The following PTPRD variants were observed in gnomAD, a reference collection of about 807,000 sequenced individuals.
PTPRD encodes receptor-type tyrosine-protein phosphatase delta.
In PTPRD, 34 loss-of-function variants were observed where a neutral mutation model predicts 214.5. The ratio of observed to expected loss-of-function variants is 0.16; its 90% confidence interval spans 0.12 to 0.21. The LOEUF (loss-of-function observed/expected upper bound fraction) is 0.21. Among genes scored for constraint, PTPRD ranks in the 10% least tolerant of loss-of-function variants. The probability of loss-of-function intolerance (pLI) is 1.00; values close to 1 mark genes in which losing one functional copy is unlikely to be tolerated. For synonymous variants in PTPRD, 1,128 were observed against 845.7 expected (o/e 1.33, Z -5.79); for missense variants, 2,545 against 2,398.7 (o/e 1.06, Z -1.27).
At chr9:10,368,786 T>A (rs1325449386) in intron 2 of PTPRD, among the ~76,000 whole-genome samples, 2 of 152,138 alleles carry the variant, frequency 1.3e-5, no homozygotes, top group Non-Finnish European at 2.9e-5. Context: ...TATTTTGGAA[T>A]GCTAATGGAA....
intron 14 of PTPRD, among the ~76,000 whole-genome samples, chr9:8,529,510 C>A (rs1034011602): frequency 5.3e-5 from 8 of 152,260 alleles, no homozygotes; most frequent in Admixed American, 3.3e-4. Flanking sequence ...TCCCAAAGAT[C>A]TGCATCATTT....
At chr9:9,090,484 G>C (rs1284262712) in intron 10 of PTPRD, among the ~76,000 whole-genome samples, 1 of 152,102 alleles carries the variant, frequency 6.6e-6, no homozygotes, top group Non-Finnish European at 1.5e-5. Flanking sequence ...TACCACATGG[G>C]TAATGGCTTG....
At chr9:10,316,170 TATATACATAG>T (rs1293520075) in intron 3 of PTPRD, among the ~76,000 whole-genome samples, 1 of 146,934 alleles carries the variant, frequency 6.8e-6, no homozygotes, top group Non-Finnish European at 1.5e-5. Context: ...TATCTATGTA[TATATACATAG>T]ATATACATAT....
At chr9:8,965,863 C>T (rs1020578824) in intron 11 of PTPRD, among the ~76,000 whole-genome samples, 1 of 152,052 alleles carries the variant, frequency 6.6e-6, no homozygotes, top group East Asian at 1.9e-4. Context: ...TCTTCACTGA[C>T]AATATGATCC....
At chr9:9,487,151 C>A (rs555763204) in intron 8 of PTPRD, among the ~76,000 whole-genome samples, 1 of 152,116 alleles carries the variant, frequency 6.6e-6, no homozygotes, top group East Asian at 1.9e-4. Context: ...TGTTGGTGTG[C>A]TGCACCCATT....
chr9:10,199,903 G>GCA (rs560068727), intron 3 of PTPRD, among the ~76,000 whole-genome samples: 3,910 of 149,270 alleles, frequency 0.026, 68 homozygotes, highest in African/African-American at 0.049. Context: ...GCACTCGCGC[G>GCA]CACACACGCA....
chr9:10,102,178 C>A (rs958517998), intron 3 of PTPRD, among the ~76,000 whole-genome samples: 6 of 151,546 alleles, frequency 4.0e-5, no homozygotes, highest in Non-Finnish European at 8.9e-5. Flanking sequence ...GCTTTTCATG[C>A]CTTATAAAAT....
intron 11 of PTPRD, among the ~76,000 whole-genome samples, chr9:8,961,586 A>C (rs1336786141): frequency 6.6e-6 from 1 of 152,146 alleles, no homozygotes; most frequent in East Asian, 1.9e-4. Flanking sequence ...GTTCTTCTGC[A>C]TCAAGGTTGA....
At chr9:10,106,591 TA>T (rs1281517860) in intron 3 of PTPRD, among the ~76,000 whole-genome samples, 1 of 151,764 alleles carries the variant, frequency 6.6e-6, no homozygotes, top group African/African-American at 2.4e-5. Flanking sequence ...TAACAAGAAG[TA>T]AAGTTTAAAA....
chr9:9,239,133 T>C (rs1368104398), intron 9 of PTPRD, among the ~76,000 whole-genome samples: 1 of 151,830 alleles, frequency 6.6e-6, no homozygotes, highest in Non-Finnish European at 1.5e-5. Flanking sequence ...ACTATGCTTA[T>C]CTTTTATCTT....
At chr9:9,758,360 G>A (rs553859541) in intron 6 of PTPRD, among the ~76,000 whole-genome samples, 4 of 152,020 alleles carry the variant, frequency 2.6e-5, no homozygotes, top group Non-Finnish European at 5.9e-5. Flanking sequence ...CTTCTCATAT[G>A]TGAAGACTGC....
intron 2 of PTPRD, among the ~76,000 whole-genome samples, chr9:10,363,124 T>C (rs958833596): frequency 6.6e-6 from 1 of 152,224 alleles, no homozygotes; most frequent in Non-Finnish European, 1.5e-5. Context: ...CTAGATTTTC[T>C]GATTTATTTT....
At chr9:9,384,478 G>A (rs936451543) in intron 9 of PTPRD, among the ~76,000 whole-genome samples, 5 of 147,412 alleles carry the variant, frequency 3.4e-5, no homozygotes, top group Non-Finnish European at 7.4e-5. Context: ...TGTTGAGGTC[G>A]AGTTTTTGAG....
chr9:8,828,161 A>G (rs1328104738), intron 11 of PTPRD, among the ~76,000 whole-genome samples: 3 of 152,216 alleles, frequency 2.0e-5, no homozygotes, highest in Non-Finnish European at 2.9e-5. Flanking sequence ...TCTGTCTTCC[A>G]ATGGCTAATT....
chr9:9,474,501 G>A (rs1427272703), intron 8 of PTPRD, among the ~76,000 whole-genome samples: 1 of 151,896 alleles, frequency 6.6e-6, no homozygotes, highest in Non-Finnish European at 1.5e-5. Context: ...TTTTGATAGG[G>A]ATTGTATTAA....
intron 10 of PTPRD, among the ~76,000 whole-genome samples, chr9:9,034,322 G>T (rs979774357): frequency 1.3e-5 from 2 of 152,076 alleles, no homozygotes; most frequent in African/African-American, 4.8e-5. Context: ...CACTTGTTAT[G>T]AGCTCTGGAA....
chr9:10,202,671 G>GAT (rs77962535), intron 3 of PTPRD, among the ~76,000 whole-genome samples: 12,800 of 112,956 alleles, frequency 0.11, 785 homozygotes, highest in Admixed American at 0.14. Flanking sequence ...AAATTATATG[G>GAT]ATATATATAT....
intron 10 of PTPRD, among the ~76,000 whole-genome samples, chr9:9,139,743 A>G (rs1164754672): frequency 2.0e-5 from 3 of 152,136 alleles, no homozygotes; most frequent in African/African-American, 4.8e-5. Context: ...GTATTTTCAG[A>G]CCATGGTTGA....
intron 7 of PTPRD, among the ~76,000 whole-genome samples, chr9:9,657,488 A>G (rs2096542220): frequency 1.3e-5 from 2 of 152,166 alleles, no homozygotes; most frequent in Non-Finnish European, 2.9e-5. Context: ...CATTAGGAGA[A>G]ATACCTAATG....
Sources: gnomAD v4.1 joint callset for allele counts (sites outside exome capture counted in the v4.1 genomes callset) on GRCh38, gnomAD v4.1.1 for gene constraint, MANE v1.5 for transcripts, NCBI Gene and HGNC (gene_info 2026-07-23, HGNC 2026-07-21) for gene names.